TMCO1: variants seen among roughly 807,000 people sequenced by gnomAD.
The protein encoded by TMCO1 is calcium load-activated calcium channel.
In TMCO1, 29 loss-of-function variants were observed where a neutral mutation model predicts 29.3. The ratio of observed to expected loss-of-function variants is 0.99; its 90% CI spans 0.74 to 1.35. The LOEUF is 1.35. TMCO1 is among the 40% of genes most tolerant of loss of function. TMCO1 has a pLI of 0.00. For missense variants in TMCO1, 173 were observed against 225.5 expected (o/e 0.77, Z 1.49); for synonymous variants, 80 against 77.1 (o/e 1.04, Z -0.20).
chr1:165,768,604 T>G (rs532457464), intron 1 of TMCO1, 78 bp downstream of exon 1: 1 of 1,610,654 alleles, frequency 6.2e-7, no homozygotes, highest in African/African-American at 1.3e-5. Context: ...CTCGCGATCT[T>G]TCCCCTGGTG....
chr1:165,725,538 T>A, downstream of TMCO1: 1 of 454,134 alleles, frequency 2.2e-6, no homozygotes, highest in East Asian at 6.9e-5. Context: ...AATGCAGATA[T>A]TAGTAATGGC....
intron 2 of TMCO1, among the ~76,000 whole-genome samples, 184 bp downstream of exon 2, chr1:165,768,008 C>T (rs1230527551): frequency 1.3e-5 from 2 of 152,198 alleles, no homozygotes; most frequent in Non-Finnish European, 2.9e-5. Context: ...TAACATGTAT[C>T]TGCTACGCCC....
intron 3 of TMCO1, among the ~76,000 whole-genome samples, chr1:165,757,699 T>G (rs981893835): frequency 6.6e-6 from 1 of 152,230 alleles, no homozygotes. Context: ...GGTTTCGCCA[T>G]GTTGGTCAGG....
chr1:165,745,292 G>T (rs1324243688), intron 5 of TMCO1, among the ~76,000 whole-genome samples: 1 of 149,264 alleles, frequency 6.7e-6, no homozygotes, highest in Non-Finnish European at 1.5e-5. Flanking sequence ...CAAATTGCTG[G>T]GATTATAGGA....
intron 6 of TMCO1, among the ~76,000 whole-genome samples, chr1:165,735,390 T>A (rs1453901736): frequency 6.6e-6 from 1 of 151,582 alleles, no homozygotes; most frequent in Non-Finnish European, 1.5e-5. Context: ...GTTTGAAGAA[T>A]CAAAAAGCTA....
chr1:165,729,562 C>T (rs1004711620), intron 6 of TMCO1, among the ~76,000 whole-genome samples: 17 of 151,932 alleles, frequency 1.1e-4, no homozygotes, highest in Non-Finnish European at 2.2e-4. Context: ...TCAGGTGATC[C>T]GCCTGCCTCA....
At chr1:165,760,428 T>C (rs1057187365) in intron 2 of TMCO1, among the ~76,000 whole-genome samples, 1 of 61,992 alleles carries the variant, frequency 1.6e-5, no homozygotes, top group Non-Finnish European at 3.3e-5. Flanking sequence ...GAGACTCTGT[T>C]TCTCAAAAAA....
chr1:165,726,420 G>A (rs193179844), downstream of TMCO1: 6 of 615,380 alleles, frequency 9.8e-6, no homozygotes, highest in Admixed American at 1.1e-4. Context: ...GAGATGGGAT[G>A]AGAAGAGAAT....
At chr1:165,736,585 G>T (rs1651396403) in intron 6 of TMCO1, among the ~76,000 whole-genome samples, 2 of 152,102 alleles carry the variant, frequency 1.3e-5, no homozygotes, top group Admixed American at 6.6e-5. Context: ...GCCGGGCATG[G>T]TAGCGGGTGC....
At chr1:165,730,884 T>C (rs1489478789) in intron 6 of TMCO1, among the ~76,000 whole-genome samples, 1 of 151,170 alleles carries the variant, frequency 6.6e-6, no homozygotes, top group African/African-American at 2.4e-5. Context: ...TGAGCCACTA[T>C]GCCCGGCCTA....
chr1:165,753,388 G>A (rs920448566), intron 4 of TMCO1, among the ~76,000 whole-genome samples: 4 of 142,758 alleles, frequency 2.8e-5, no homozygotes, highest in East Asian at 4.4e-4. Context: ...TAGGAGGAGC[G>A]CACAAGCCCA....
At chr1:165,761,903 T>G (rs1045624592) in intron 2 of TMCO1, among the ~76,000 whole-genome samples, 1 of 151,872 alleles carries the variant, frequency 6.6e-6, no homozygotes, top group African/African-American at 2.4e-5. Context: ...GAGCCATGAT[T>G]GGGCCACTGC....
Position 165,740,748 on chromosome 1 carries a change from T to C in TMCO1, c.468+2419A>G, listed in dbSNP as rs139845678. The stretch of plus-strand genomic sequence containing the variant: ...ATGAATAGATTAATGTCATTATCAC[T>C]GGAGTGGGTTCCTTATCACGAGTGG... On this transcript the variant is annotated intron_variant, in intron 6 of 6. Coordinates refer to ENST00000367881, the MANE Select transcript of TMCO1 (RefSeq NM_019026.6). 8.4e-4 allele frequency among the ~76,000 whole-genome samples: 128 copies of C among 152,348 alleles called. 1 individual carries two copies. The highest frequency in any genetic ancestry group is 3.0e-3 in the African/African-American group (124 of 41,586).
At chr1:165,753,345 C>A (rs931119580) in intron 4 of TMCO1, among the ~76,000 whole-genome samples, 4 of 151,736 alleles carry the variant, frequency 2.6e-5, no homozygotes, top group Admixed American at 1.3e-4. Context: ...TGGTGGCACA[C>A]GCCTGTAATC....
intron 1 of TMCO1, 173 bp from the exon 2 acceptor site, chr1:165,768,442 G>C (rs1190862458): frequency 2.0e-6 from 3 of 1,517,488 alleles, no homozygotes; most frequent in Non-Finnish European, 2.7e-6. Flanking sequence ...ACAGTAACAT[G>C]ATGTGAAGGT....
In TMCO1 at chr1:165,759,527, A is replaced by G; in HGVS notation, c.206T>C (p.Ile69Thr). 6.2e-7 allele frequency: 1 copy of G among 1,610,886 alleles called. No homozygotes were observed. The highest frequency in any genetic ancestry group is 8.5e-7 in the Non-Finnish European group (1 of 1,178,060). The change falls in exon 3 of 7, where the codon ATA (isoleucine) becomes ACA (threonine). Residue 69 changes from isoleucine (I) to threonine (T), a missense_variant and splice_region_variant. Physicochemically the swap from Ile to Thr is moderately conservative, Grantham distance 89. Transcript: ENST00000367881. Reference sequence around the variant, plus strand: ...TTTTGACTAATATCTCATCTTACCTATTTTCTTTTTCTGTTGTCGACCAGC... The same window carrying G: ...TTTTGACTAATATCTCATCTTACCTGTTTTCTTTTTCTGTTGTCGACCAGC... ...ESAGRQQKKK[I>T]ERQEEKLKNN...
chr1:165,763,068 A>G (rs889393277), intron 2 of TMCO1, among the ~76,000 whole-genome samples: 3 of 152,180 alleles, frequency 2.0e-5, no homozygotes, highest in Non-Finnish European at 4.4e-5. Context: ...TTTGGACAAC[A>G]GTATTCTTCT....
At chr1:165,732,499 C>CTA (rs1358450479) in intron 6 of TMCO1, among the ~76,000 whole-genome samples, 59 of 141,250 alleles carry the variant, frequency 4.2e-4, no homozygotes, top group African/African-American at 1.1e-3. Flanking sequence ...CTCTCTCTCT[C>CTA]TCTCTCTATA....
chr1:165,731,134 C>T (rs1014416714), intron 6 of TMCO1, among the ~76,000 whole-genome samples: 29 of 152,060 alleles, frequency 1.9e-4, no homozygotes, highest in African/African-American at 6.3e-4. Flanking sequence ...CTCTTGACTT[C>T]GTGATCCGCC....
Sources: allele counts gnomAD v4.1 joint callset (sites outside exome capture counted in the v4.1 genomes callset), GRCh38; gene constraint gnomAD v4.1.1; transcripts MANE v1.5; gene names NCBI Gene and HGNC (gene_info 2026-07-23, HGNC 2026-07-21).